Variants in ERI2 observed in about 807,000 individuals in gnomAD.
ERI2 encodes the protein ERI1 exoribonuclease family member 2, also known as ERI1 exoribonuclease 2.
Under a neutral mutation model 46.8 loss-of-function variants are expected in ERI2, and 35 were observed. The ratio of observed to expected loss-of-function variants is 0.75; its 90% CI spans 0.57 to 0.99. The LOEUF (loss-of-function observed/expected upper bound fraction) is 0.99. Among genes scored for constraint, ERI2 ranks in the 50% least tolerant of loss-of-function variants. The pLI is 0.00. For synonymous variants in ERI2, 224 were observed against 271.0 expected (o/e 0.83, Z 1.70); for missense variants, 695 against 796.2 (o/e 0.87, Z 1.53).
chr16:20,797,694 G>T lies in ERI2; in HGVS notation c.*30C>A. The T allele has an allele frequency of 6.7e-7, 1 of 1,490,560 alleles. No homozygotes were observed. Among genetic ancestry groups the T allele is most frequent in the Non-Finnish European group, 8.9e-7 (1 of 1,122,606 alleles). The allele number at this position is 1,490,560 out of a possible 1,614,324, so 92.3% of individuals were successfully genotyped here. A position where few individuals can be genotyped will look rare whatever the true frequency, so the allele number is the denominator to read the frequency against. On this transcript the variant is annotated 3_prime_UTR_variant, in exon 9 of 9. Transcript: ENST00000357967. Reference sequence around the variant, plus strand: ...GAATACTCATGTTTGGAAATTCAAGGAACAATTAGGATTCATACATGAAAG... The same window carrying T: ...GAATACTCATGTTTGGAAATTCAAGTAACAATTAGGATTCATACATGAAAG...
chr16:20,783,788 T>C (rs781164133), intron 10 of ERI2, among the ~76,000 whole-genome samples: 23 of 149,698 alleles, frequency 1.5e-4, no homozygotes, highest in Non-Finnish European at 2.8e-4. Context: ...CACAAACTGA[T>C]ACACATGTGT....
downstream of ERI2, among the ~76,000 whole-genome samples, chr16:20,794,380 T>G (rs1364685892): frequency 2.6e-5 from 4 of 152,226 alleles, no homozygotes; most frequent in African/African-American, 4.8e-5. Flanking sequence ...TTAAGACTTA[T>G]GCAGTGATGG....
chr16:20,799,218 T>C, intron 8 of ERI2, 45 bp downstream of exon 8: 1 of 1,603,260 alleles, frequency 6.2e-7, no homozygotes, highest in African/African-American at 1.3e-5. Context: ...TATGACTGTT[T>C]ATGAAGTTTG....
intron 10 of ERI2, among the ~76,000 whole-genome samples, chr16:20,781,450 A>G (rs1440291968): frequency 6.6e-6 from 1 of 152,254 alleles, no homozygotes; most frequent in East Asian, 1.9e-4. Context: ...TTTAGGCAGT[A>G]TAAATAATCT....
At chr16:20,782,223 GTTTTGT>G (rs1400261054) in intron 10 of ERI2, among the ~76,000 whole-genome samples, 1 of 152,138 alleles carries the variant, frequency 6.6e-6, no homozygotes. Context: ...GTTTCTCTTT[GTTTTGT>G]TTTTGTTTTT....
At chr16:20,787,223 G>C (rs925455138) in intron 10 of ERI2, among the ~76,000 whole-genome samples, 6 of 152,332 alleles carry the variant, frequency 3.9e-5, no homozygotes, top group Admixed American at 3.3e-4. Context: ...AACATCCTAA[G>C]TCACAAATGC....
downstream of ERI2, among the ~76,000 whole-genome samples, chr16:20,794,833 A>G (rs1370316411): frequency 6.6e-6 from 1 of 152,216 alleles, no homozygotes; most frequent in East Asian, 1.9e-4. Context: ...ACTTGAACCC[A>G]GCTGTTCTGA....
intron 1 of ERI2, 105 bp downstream of exon 1, chr16:20,806,303 A>G: frequency 6.7e-7 from 1 of 1,499,008 alleles, no homozygotes; most frequent in Non-Finnish European, 8.9e-7. Flanking sequence ...GCTGCGGGGA[A>G]TAGAGGCCCT....
chr16:20,798,403 T>C lies in ERI2; in HGVS notation c.1397A>G (p.Gln466Arg). The C allele has an allele frequency of 6.4e-7, 1 of 1,550,532 alleles. No individual in the cohort carries two copies. Among genetic ancestry groups the C allele is most frequent in the South Asian group, 1.2e-5 (1 of 83,838 alleles). The part of the protein sequence containing the change: ...ENFGDIEETP[Q>R]KSETSKSIVY... Reference sequence around the variant, plus strand: ...AATAGACTTAGAAGTCTCAGATTTTTGAGGAGTTTCCTCTATGTCTCCAAA... The same window carrying C: ...AATAGACTTAGAAGTCTCAGATTTTCGAGGAGTTTCCTCTATGTCTCCAAA... The change falls in exon 9 of 9, where the codon CAA (glutamine) becomes CGA (arginine). Residue 466 changes from glutamine (Q) to arginine (R), a missense_variant. By Grantham distance (43) the Gln-to-Arg change is conservative. Coordinates refer to ENST00000357967, the MANE Select transcript of ERI2 (RefSeq NM_001142725.2).
downstream of ERI2, chr16:20,796,315 C>A: frequency 1.3e-6 from 2 of 1,589,534 alleles, no homozygotes; most frequent in Non-Finnish European, 1.7e-6. Flanking sequence ...ACAAGACATA[C>A]TAAAACATAC....
intron 10 of ERI2, among the ~76,000 whole-genome samples, chr16:20,788,513 T>C (rs890719219): frequency 6.6e-6 from 1 of 152,198 alleles, no homozygotes; most frequent in African/African-American, 2.4e-5. Flanking sequence ...TTTAACTCTT[T>C]TCCACGGGCC....
chr16:20,796,091 G>C (rs559606343), downstream of ERI2: 221 of 323,510 alleles, frequency 6.8e-4, no homozygotes, highest in Non-Finnish European at 9.4e-4. Context: ...CTTCAACAAA[G>C]ACATGGCAAA....
intron 10 of ERI2, chr16:20,780,784 G>A (rs1387889031): frequency 6.2e-7 from 1 of 1,614,056 alleles, no homozygotes; most frequent in African/African-American, 1.3e-5. Context: ...CTTTACCAGT[G>A]GAACAAGTGG....
chr16:20,797,071 A>G lies in ERI2; in HGVS notation c.*653T>C, dbSNP rs1330517224. ...GAGAGGTCATAAAAACTGTGGTAGT[A>G]TGCTTAGAAACTGTTGATTTAAAAT... is the stretch of plus-strand genomic sequence containing the variant. On this transcript the variant is annotated 3_prime_UTR_variant, in exon 9 of 9. Coordinates refer to ENST00000357967, the MANE Select transcript of ERI2 (RefSeq NM_001142725.2). 16 of 1,478,282 alleles carry G rather than the reference A, an allele frequency of 1.1e-5. No homozygotes were observed. Among genetic ancestry groups the G allele is most frequent in the Non-Finnish European group, 3.6e-6 (4 of 1,120,020 alleles). The allele number at this position is 1,478,282 out of a possible 1,614,324, so 91.6% of individuals were successfully genotyped here.
chr16:20,803,188 T>C (rs2080814329), intron 3 of ERI2, among the ~76,000 whole-genome samples: 1 of 152,222 alleles, frequency 6.6e-6, no homozygotes, highest in Non-Finnish European at 1.5e-5. Context: ...ATTTACTTTT[T>C]TTGCAAAGGC....
At position 20,797,006 on chromosome 16, in the gene ERI2, A is replaced by G; in HGVS notation, c.*718T>C. 1 of 1,603,308 alleles carries G rather than the reference A, an allele frequency of 6.2e-7. No homozygotes were observed. The highest frequency in any genetic ancestry group is 8.5e-7 in the Non-Finnish European group (1 of 1,176,496). On this transcript the variant is annotated 3_prime_UTR_variant, in exon 9 of 9. Coordinates refer to ENST00000357967, the MANE Select transcript of ERI2 (RefSeq NM_001142725.2). ...CATTAATTACCATATCTATAAAACA[A>G]ACATAGTATCTGTCAATCTCTAGAA...
rs908020510 is a variant in ERI2 at position 20,797,732 on chromosome 16, T to C, written c.2068A>G (p.Arg690Gly). 6 of 1,542,182 alleles carry C rather than the reference T, an allele frequency of 3.9e-6. No homozygotes were observed. The highest frequency in any genetic ancestry group is 8.7e-7 in the Non-Finnish European group (1 of 1,143,490). ...KNSLRLRPSM[R>G]N ...TCATACATGAAAGGTTATCAATTCC[T>C]CATTGAAGGCCTGAGTCTCAAAGAA... Residue 690 changes from arginine (R) to glycine (G), a missense_variant, in exon 9 of 9, where the codon AGG becomes GGG. Physicochemically the swap from Arg to Gly is moderately radical, Grantham distance 125. Coordinates refer to ENST00000357967, the MANE Select transcript of ERI2 (RefSeq NM_001142725.2).
intron 1 of ERI2, 47 bp from the exon 2 acceptor site, chr16:20,803,717 C>T (rs1473957098): frequency 1.3e-6 from 2 of 1,594,658 alleles, no homozygotes; most frequent in South Asian, 2.2e-5. Flanking sequence ...CTCATTCACA[C>T]TCCTGTTTGA....
downstream of ERI2, chr16:20,792,108 A>G (rs1323458764): frequency 3.1e-6 from 5 of 1,614,036 alleles, no homozygotes; most frequent in Admixed American, 3.3e-5. Flanking sequence ...GCAAGAGCAG[A>G]TGATGTCATA....
Sources: allele counts gnomAD v4.1 joint callset (sites outside exome capture counted in the v4.1 genomes callset), GRCh38; gene constraint gnomAD v4.1.1; transcripts MANE v1.5; gene names NCBI Gene and HGNC (gene_info 2026-07-23, HGNC 2026-07-21).